The following SLC25A21 variants were observed in gnomAD, a reference collection of about 807,000 sequenced individuals.
SLC25A21 encodes the protein solute carrier family 25 member 21, also known as mitochondrial 2-oxodicarboxylate carrier.
Under a neutral mutation model 43.8 loss-of-function variants are expected in SLC25A21, and 47 were observed. The ratio of observed to expected loss-of-function variants is 1.07; its 90% CI spans 0.85 to 1.37. The LOEUF is 1.37. SLC25A21 is among the 40% of genes most tolerant of loss of function. The pLI, the probability that SLC25A21 is intolerant of heterozygous loss-of-function variation, is 0.00. For synonymous variants in SLC25A21, 131 were observed against 121.3 expected (o/e 1.08, Z -0.52); for missense variants, 352 against 350.2 (o/e 1.00, Z -0.04).
intron 1 of SLC25A21, among the ~76,000 whole-genome samples, chr14:36,897,965 A>T (rs1246030136): frequency 6.6e-6 from 1 of 152,180 alleles, no homozygotes; most frequent in African/African-American, 2.4e-5. Context: ...CCTGCCAGTT[A>T]GGCTACTTTG....
At chr14:36,843,213 G>A (rs1163962017) in intron 2 of SLC25A21, among the ~76,000 whole-genome samples, 1 of 152,208 alleles carries the variant, frequency 6.6e-6, no homozygotes, top group African/African-American at 2.4e-5. Context: ...TGAGGGGACA[G>A]ATGCATGAGA....
chr14:36,937,374 A>C (rs1344680979), intron 1 of SLC25A21, among the ~76,000 whole-genome samples: 1 of 152,212 alleles, frequency 6.6e-6, no homozygotes, highest in Non-Finnish European at 1.5e-5. Context: ...CAAGGAGGAA[A>C]ATAAACATGC....
intron 3 of SLC25A21, among the ~76,000 whole-genome samples, chr14:36,773,307 T>C (rs58549285): frequency 9.8e-4 from 149 of 152,226 alleles, no homozygotes; most frequent in African/African-American, 3.5e-3. Context: ...GGGCCTGCCA[T>C]CTAGGGCATC....
intron 1 of SLC25A21, among the ~76,000 whole-genome samples, chr14:37,070,727 T>C (rs912532594): frequency 2.0e-5 from 3 of 152,106 alleles, no homozygotes; most frequent in African/African-American, 4.8e-5. Context: ...AAAAGAGAGA[T>C]TGTTTATTCT....
chr14:36,754,802 T>G (rs1215908995), intron 3 of SLC25A21, among the ~76,000 whole-genome samples: 1 of 152,238 alleles, frequency 6.6e-6, no homozygotes, highest in Non-Finnish European at 1.5e-5. Flanking sequence ...GTTATTAATT[T>G]ATCTACTTGT....
intron 1 of SLC25A21, among the ~76,000 whole-genome samples, chr14:36,927,792 T>C (rs1366534619): frequency 6.6e-6 from 1 of 152,170 alleles, no homozygotes; most frequent in East Asian, 1.9e-4. Context: ...TCCAATTTTG[T>C]ACATGTCCCT....
At chr14:37,027,915 CT>C (rs1336975189) in intron 1 of SLC25A21, among the ~76,000 whole-genome samples, 1 of 152,148 alleles carries the variant, frequency 6.6e-6, no homozygotes, top group Non-Finnish European at 1.5e-5. Flanking sequence ...ACGTAATCTT[CT>C]AAAAACTTTA....
chr14:36,709,209 C>G (rs560088097), intron 7 of SLC25A21, among the ~76,000 whole-genome samples: 19 of 152,154 alleles, frequency 1.2e-4, no homozygotes, highest in Admixed American at 1.2e-3. Context: ...GTCTTACAGT[C>G]TGAAAAACAG....
At chr14:37,019,398 T>C (rs1333184314) in intron 1 of SLC25A21, among the ~76,000 whole-genome samples, 2 of 151,890 alleles carry the variant, frequency 1.3e-5, no homozygotes, top group African/African-American at 4.8e-5. Context: ...CCAGTTTTTC[T>C]TTCTTCACAT....
intron 2 of SLC25A21, among the ~76,000 whole-genome samples, chr14:36,841,364 G>A (rs563244627): frequency 1.8e-4 from 27 of 152,172 alleles, no homozygotes; most frequent in South Asian, 1.5e-3. Flanking sequence ...TCTTCTATCC[G>A]TTCTTTAGAG....
At chr14:36,912,020 A>C (rs548975312) in intron 1 of SLC25A21, among the ~76,000 whole-genome samples, 4 of 152,270 alleles carry the variant, frequency 2.6e-5, no homozygotes, top group Middle Eastern at 3.4e-3. Flanking sequence ...TTTTAAATCT[A>C]TATTTATAAA....
intron 1 of SLC25A21, among the ~76,000 whole-genome samples, chr14:37,107,425 C>A (rs1312354606): frequency 6.6e-6 from 1 of 152,006 alleles, no homozygotes; most frequent in African/African-American, 2.4e-5. Flanking sequence ...TCAAGCGGTC[C>A]TCCCTTCTCT....
chr14:36,726,236 T>C (rs1884595325), intron 5 of SLC25A21, among the ~76,000 whole-genome samples: 1 of 152,208 alleles, frequency 6.6e-6, no homozygotes, highest in Admixed American at 6.5e-5. Flanking sequence ...CTTTTCCCTA[T>C]TTTAAAAAAC....
Position 36,679,151 on chromosome 14 carries a change from G to A in SLC25A21, c.*1507C>T, listed in dbSNP as rs1012495817. The A allele has an allele frequency of 2.3e-5, 23 of 985,214 alleles. No homozygotes were observed. Among genetic ancestry groups the A allele is most frequent in the South Asian group, 4.7e-5 (1 of 21,288 alleles). The allele number at this position is 985,214 out of a possible 1,614,324, so 61.0% of individuals were successfully genotyped here. A position where few individuals can be genotyped will look rare whatever the true frequency, so the allele number is the denominator to read the frequency against. On this transcript the variant is annotated 3_prime_UTR_variant, in exon 10 of 10. Coordinates refer to ENST00000331299, the MANE Select transcript of SLC25A21 (RefSeq NM_030631.4). ...ATATTACCTGCAAGGATAGAATGCA[G>A]TTGTGCAACAGAGACACATTCTTAT...
chr14:37,095,170 T>C (rs1447811010), intron 1 of SLC25A21, among the ~76,000 whole-genome samples: 1 of 152,222 alleles, frequency 6.6e-6, no homozygotes, highest in Admixed American at 6.5e-5. Flanking sequence ...TATATCACCA[T>C]GGTTTAGAAT....
At chr14:36,759,164 C>T (rs1886047634) in intron 3 of SLC25A21, among the ~76,000 whole-genome samples, 1 of 152,154 alleles carries the variant, frequency 6.6e-6, no homozygotes, top group Non-Finnish European at 1.5e-5. Flanking sequence ...CTGCAAAGAG[C>T]CCTTTGAGTG....
intron 1 of SLC25A21, among the ~76,000 whole-genome samples, chr14:37,002,171 A>G (rs1454495633): frequency 2.0e-5 from 3 of 152,062 alleles, no homozygotes; most frequent in African/African-American, 7.2e-5. Flanking sequence ...ACCAAGCAAA[A>G]AGCACCATAA....
intron 1 of SLC25A21, among the ~76,000 whole-genome samples, chr14:36,926,514 ACTT>A (rs1892136976): frequency 6.6e-6 from 1 of 152,124 alleles, no homozygotes; most frequent in African/African-American, 2.4e-5. Flanking sequence ...CTAAAAAGGA[ACTT>A]CTTAAGATGG....
At chr14:36,782,719 G>A (rs935477343) in intron 3 of SLC25A21, among the ~76,000 whole-genome samples, 14 of 148,492 alleles carry the variant, frequency 9.4e-5, no homozygotes, top group Admixed American at 6.9e-4. Flanking sequence ...ACCAAACACC[G>A]CATATTCTCA....
Sources: gnomAD v4.1 joint callset for allele counts (sites outside exome capture counted in the v4.1 genomes callset) on GRCh38, gnomAD v4.1.1 for gene constraint, MANE v1.5 for transcripts, NCBI Gene and HGNC (gene_info 2026-07-23, HGNC 2026-07-21) for gene names.